Variants in NUP160 observed in about 807,000 individuals in gnomAD.
NUP160 encodes nucleoporin 160, also known as nuclear pore complex protein Nup160.
In NUP160, 94 loss-of-function variants were observed where a neutral mutation model predicts 196.9. That is an observed-to-expected ratio of 0.48 (90% CI 0.40 to 0.57). The LOEUF is 0.57. Among genes scored for constraint, NUP160 ranks in the 20% least tolerant of loss-of-function variants. The pLI is 0.00. For missense variants in NUP160, 1,638 were observed against 1,748.3 expected (o/e 0.94, Z 1.13); for synonymous variants, 605 against 619.7 (o/e 0.98, Z 0.35).
chr11:47,841,698 TG>T (rs1852301199), intron 2 of NUP160: 2 of 298,136 alleles, frequency 6.7e-6, no homozygotes. Flanking sequence ...TTTGTTTGTT[TG>T]TTTTTTTTTT....
At chr11:47,810,414 C>A (rs2097680418) in intron 17 of NUP160, among the ~76,000 whole-genome samples, 1 of 152,026 alleles carries the variant, frequency 6.6e-6, no homozygotes, top group African/African-American at 2.4e-5. Context: ...TGGTCTCAAA[C>A]TTCTAGGCTC....
Position 47,819,463 on chromosome 11 carries a change from A to G in NUP160, c.1278-5T>C, listed in dbSNP as rs1251789300. 6.2e-7 allele frequency: 1 copy of G among 1,602,648 alleles called. No individual in the cohort carries two copies. Among genetic ancestry groups the G allele is most frequent in the South Asian group, 1.1e-5 (1 of 90,792 alleles). ...TTCCACTGACCTGCAACATTACTAGAGACAAAAAAGTCCACCAGTTTATAC... is the reference window on the plus strand; with the variant it reads ...TTCCACTGACCTGCAACATTACTAGGGACAAAAAAGTCCACCAGTTTATAC... On this transcript the variant is annotated splice_polypyrimidine_tract_variant and splice_region_variant and intron_variant, in intron 9 of 35. Transcript: ENST00000378460.
At chr11:47,793,012 A>G (rs770394459) in intron 27 of NUP160, 66 bp from the exon 28 acceptor site, 139 of 1,427,510 alleles carry the variant, frequency 9.7e-5, no homozygotes, top group Admixed American at 2.4e-4. Flanking sequence ...TTGGAGACAG[A>G]GTCTTGCTCT....
At chr11:47,807,436 C>T (rs7115228) in intron 18 of NUP160, among the ~76,000 whole-genome samples, 88,130 of 151,844 alleles carry the variant, frequency 0.58, 25,844 homozygotes, top group Admixed American at 0.65. Context: ...GAGGCTGAGG[C>T]GGGTGGATCA....
chr11:47,782,321 T>A (rs1274916403), intron 34 of NUP160, among the ~76,000 whole-genome samples: 4,616 of 17,534 alleles, frequency 0.26, 985 homozygotes, highest in African/African-American at 0.54. Context: ...TATATATATA[T>A]ATATATATAT....
exon 9 of NUP160, chr11:47,821,787 T>C: frequency 2.5e-6 from 4 of 1,614,048 alleles, no homozygotes; most frequent in Non-Finnish European, 3.4e-6. Flanking sequence ...GGCCCAGATA[T>C]CCGTGGAAGT....
intron 22 of NUP160, 40 bp downstream of exon 22, chr11:47,803,398 A>T (rs778067190): frequency 8.0e-7 from 1 of 1,245,116 alleles, no homozygotes; most frequent in South Asian, 1.2e-5. Flanking sequence ...TCCTTGCGTT[A>T]AAGTTTATAA....
At chr11:47,822,062 A>G in intron 8 of NUP160, 25 bp downstream of exon 8, 2 of 1,450,440 alleles carry the variant, frequency 1.4e-6, no homozygotes, top group Non-Finnish European at 1.9e-6. Flanking sequence ...TACTTATGTG[A>G]TATGCAAAGG....
chr11:47,804,623 TCA>T lies in NUP160; in HGVS notation c.2607-7_2607-6del. The T allele has an allele frequency of 6.6e-7, 1 of 1,517,424 alleles. No individual in the cohort carries two copies. Among genetic ancestry groups the T allele is most frequent in the South Asian group, 1.3e-5 (1 of 74,550 alleles). 94.0% of individuals were successfully genotyped at this position (1,517,424 alleles called of 1,614,324 possible). Reference sequence around the variant, plus strand: ...CAACCAGGATTGCTAGGCCATCTAGTCATTGGTTAAGGATATTTCTTAATTTT... The same window carrying T: ...CAACCAGGATTGCTAGGCCATCTAGTTTGGTTAAGGATATTTCTTAATTTT... On this transcript the variant is annotated splice_region_variant and splice_polypyrimidine_tract_variant and intron_variant, in intron 20 of 35. Transcript: ENST00000378460.
At chr11:47,841,699 GTTTT>G (rs995613083) in intron 2 of NUP160, 29 of 279,262 alleles carry the variant, frequency 1.0e-4, no homozygotes, top group Non-Finnish European at 1.3e-4. Flanking sequence ...TTGTTTGTTT[GTTTT>G]TTTTTTGAGA....
At position 47,828,841 on chromosome 11, in the gene NUP160, A is replaced by G. The variant is rs980810219; in HGVS notation, c.1102-6677T>C. Among the ~76,000 whole-genome samples, 3 of 152,184 alleles carry G rather than the reference A, an allele frequency of 2.0e-5. No individual in the cohort carries two copies. The East Asian group carries it at 5.8e-4, about 29-fold the overall frequency. ...GCCAAGACCATTCAATGTGTTAAGA[A>G]CTATCTTTTCAACAAATGGTGCTGA... On this transcript the variant is annotated intron_variant, in intron 7 of 35. Transcript: ENST00000378460.
At position 47,813,075 on chromosome 11, in the gene NUP160, T is replaced by G; in HGVS notation, c.1787-28A>C. On this transcript the variant is annotated intron_variant, in intron 14 of 35. Coordinates refer to ENST00000378460, the Ensembl canonical transcript of NUP160. ...ACAAATAAGAGAAAGTTAACATTTA[T>G]GTCTTAAGCCAATGACAATCTATTG... 2.7e-6 allele frequency: 4 copies of G among 1,490,574 alleles called. No homozygotes were observed. In the Admixed American group the frequency reaches 7.1e-5, roughly 27 times the overall value. The allele number at this position is 1,490,574 out of a possible 1,614,324, so 92.3% of individuals were successfully genotyped here.
intron 9 of NUP160, 81 bp downstream of exon 9, chr11:47,821,643 A>G: frequency 2.0e-6 from 2 of 1,015,666 alleles, no homozygotes; most frequent in Non-Finnish European, 3.1e-6. Flanking sequence ...TACAGGCATG[A>G]GACACGGCGC....
Position 47,798,480 on chromosome 11 carries a change from G to T in NUP160, c.2896-17C>A, listed in dbSNP as rs1156562419. 2.2e-6 allele frequency: 3 copies of T among 1,352,586 alleles called. No homozygotes were observed. Among genetic ancestry groups the T allele is most frequent in the Non-Finnish European group, 3.1e-6 (3 of 952,986 alleles). 83.8% of individuals were successfully genotyped at this position (1,352,586 alleles called of 1,614,324 possible). Reference sequence around the variant, plus strand: ...TCGTAAAACCTAACGAGAAATAGAAGAAATTTCCATTAAAATTAATATTGT... The same window carrying T: ...TCGTAAAACCTAACGAGAAATAGAATAAATTTCCATTAAAATTAATATTGT... On this transcript the variant is annotated splice_polypyrimidine_tract_variant and intron_variant, in intron 23 of 35. Coordinates refer to ENST00000378460, the Ensembl canonical transcript of NUP160.
chr11:47,840,446 T>A, exon 3 of NUP160: 1 of 1,614,154 alleles, frequency 6.2e-7, no homozygotes, highest in Non-Finnish European at 8.5e-7. Flanking sequence ...AACATCAAGA[T>A]TATCACACGA....
At chr11:47,838,446 A>G (rs1457415709) in intron 4 of NUP160, among the ~76,000 whole-genome samples, 1 of 152,048 alleles carries the variant, frequency 6.6e-6, no homozygotes, top group African/African-American at 2.4e-5. Flanking sequence ...CGTGGCTCAC[A>G]CCTGTAATCC....
At position 47,839,836 on chromosome 11, in the gene NUP160, T is replaced by C. The variant is rs1342610020; in HGVS notation, c.748+7A>G. On this transcript the variant is annotated splice_region_variant and intron_variant, in intron 4 of 35. Transcript: ENST00000378460. ...AAGTTAAATCCATGCTCAGTTCCCATTCTTACCAGGTATGTCATAAGGAGG... is the reference window on the plus strand; with the variant it reads ...AAGTTAAATCCATGCTCAGTTCCCACTCTTACCAGGTATGTCATAAGGAGG... The C allele has an allele frequency of 6.2e-7, 1 of 1,606,756 alleles. No individual in the cohort carries two copies. Among genetic ancestry groups the C allele is most frequent in the Non-Finnish European group, 8.5e-7 (1 of 1,173,362 alleles).
In NUP160 at chr11:47,798,927, C is replaced by G. The variant is rs1392409957; in HGVS notation, c.2896-464G>C. On this transcript the variant is annotated intron_variant, in intron 23 of 35. Transcript: ENST00000378460. ...GTCATTCTGACCAACACGGCGAGAC[C>G]CCATCTCTATTATTAAAAAAAAAAA... is the stretch of plus-strand genomic sequence containing the variant. Among the ~76,000 whole-genome samples, 21 of 148,358 alleles carry G rather than the reference C, an allele frequency of 1.4e-4. 1 individual carries two copies. The highest frequency in any genetic ancestry group is 1.4e-3 in the Admixed American group (21 of 14,840).
chr11:47,781,718 A>G (rs1030698147), intron 34 of NUP160, among the ~76,000 whole-genome samples: 1 of 152,182 alleles, frequency 6.6e-6, no homozygotes, highest in African/African-American at 2.4e-5. Flanking sequence ...TAAGGCTGCT[A>G]TAAGGATTAA....
Sources: allele counts gnomAD v4.1 joint callset (sites outside exome capture counted in the v4.1 genomes callset), GRCh38; gene constraint gnomAD v4.1.1; transcripts MANE v1.5; gene names NCBI Gene and HGNC (gene_info 2026-07-23, HGNC 2026-07-21).